Variants in NPAS2 observed in about 807,000 individuals in gnomAD.
The protein encoded by NPAS2 is neuronal PAS domain protein 2.
In NPAS2, 23 loss-of-function variants were observed where a neutral mutation model predicts 107.5. The ratio of observed to expected loss-of-function variants is 0.21; its 90% confidence interval spans 0.15 to 0.30. The LOEUF (loss-of-function observed/expected upper bound fraction) is 0.30. Among genes scored for constraint, NPAS2 ranks in the 10% least tolerant of loss-of-function variants. NPAS2 has a pLI of 1.00. For missense variants in NPAS2, 756 were observed against 1,043.3 expected (o/e 0.72, Z 3.79); for synonymous variants, 403 against 417.5 (o/e 0.97, Z 0.42).
intron 2 of NPAS2, among the ~76,000 whole-genome samples, chr2:100,918,449 A>G (rs1683022078): frequency 6.6e-6 from 1 of 152,214 alleles, no homozygotes; most frequent in African/African-American, 2.4e-5. Context: ...TACTATTAAG[A>G]GATTGAAAAG....
chr2:100,882,322 A>C (rs1458798924), intron 1 of NPAS2, among the ~76,000 whole-genome samples: 1 of 152,152 alleles, frequency 6.6e-6, no homozygotes, highest in African/African-American at 2.4e-5. Context: ...AAACAAAAAA[A>C]CAAACAGCCG....
rs376842348 is a variant in NPAS2 at position 100,873,275 on chromosome 2, CATATATATATATAT to C, written c.-22-31438_-22-31425del. On this transcript the variant is annotated intron_variant, in intron 1 of 20. Coordinates refer to ENST00000335681, the MANE Select transcript of NPAS2 (RefSeq NM_002518.4). ...TCAAAAAAAAAAAAAAAAAAAAATA[CATATATATATATAT>C]ATATATATATATATATATACACACA... is the stretch of plus-strand genomic sequence containing the variant. Among the ~76,000 whole-genome samples, 38 of 77,192 alleles carry C rather than the reference CATATATATATATAT, an allele frequency of 4.9e-4. No homozygotes were observed. In the South Asian group the frequency reaches 5.4e-3, roughly 11 times the overall value. 50.6% of individuals were successfully genotyped at this position (77,192 alleles called of 152,430 possible). A position where few individuals can be genotyped will look rare whatever the true frequency, so the allele number is the denominator to read the frequency against.
At chr2:100,954,343 C>T (rs1243858134) in intron 7 of NPAS2, among the ~76,000 whole-genome samples, 2 of 152,098 alleles carry the variant, frequency 1.3e-5, no homozygotes, top group Admixed American at 6.6e-5. Flanking sequence ...CAGCAAGGCC[C>T]CAGATGTCAA....
At chr2:100,957,743 A>G (rs1176034117) in intron 7 of NPAS2, among the ~76,000 whole-genome samples, 4 of 152,116 alleles carry the variant, frequency 2.6e-5, no homozygotes, top group African/African-American at 4.8e-5. Context: ...TGGCTAACAC[A>G]GTGAAACCCC....
At chr2:100,853,830 C>T (rs1254438711) in intron 1 of NPAS2, among the ~76,000 whole-genome samples, 1 of 152,058 alleles carries the variant, frequency 6.6e-6, no homozygotes. Flanking sequence ...GATCTGAAAA[C>T]CAAGTGGTGA....
intron 1 of NPAS2, among the ~76,000 whole-genome samples, chr2:100,898,079 G>C (rs1311986322): frequency 6.6e-6 from 1 of 152,016 alleles, no homozygotes; most frequent in African/African-American, 2.4e-5. Flanking sequence ...ATCGCATCAA[G>C]CTATCACTTT....
intron 8 of NPAS2, 31 bp downstream of exon 8, chr2:100,964,207 G>A: frequency 1.5e-6 from 2 of 1,344,800 alleles, no homozygotes; most frequent in Non-Finnish European, 2.1e-6. Flanking sequence ...TCATTGTGCG[G>A]AGCTGTTATG....
intron 1 of NPAS2, among the ~76,000 whole-genome samples, chr2:100,885,420 G>C (rs1393288031): frequency 6.6e-6 from 1 of 152,096 alleles, no homozygotes; most frequent in Non-Finnish European, 1.5e-5. Context: ...TGAAATTTCT[G>C]TTTAAATTTA....
intron 2 of NPAS2, among the ~76,000 whole-genome samples, chr2:100,905,359 G>A (rs1682079957): frequency 1.3e-5 from 2 of 151,922 alleles, no homozygotes; most frequent in South Asian, 4.2e-4. Context: ...CAGCTGGCAT[G>A]TGAGAGCCCT....
chr2:100,887,309 C>T (rs1185549690), intron 1 of NPAS2, among the ~76,000 whole-genome samples: 1 of 152,230 alleles, frequency 6.6e-6, no homozygotes, highest in Non-Finnish European at 1.5e-5. Flanking sequence ...CGGACAGCTA[C>T]AGCCCAGACT....
intron 7 of NPAS2, among the ~76,000 whole-genome samples, chr2:100,961,595 T>TA (rs959691418): frequency 2.3e-4 from 35 of 152,280 alleles, no homozygotes; most frequent in African/African-American, 8.4e-4. Context: ...TTAGATGCTA[T>TA]AAAAGGGCAG....
chr2:100,922,069 A>T (rs1683259449), intron 2 of NPAS2, among the ~76,000 whole-genome samples: 1 of 152,200 alleles, frequency 6.6e-6, no homozygotes, highest in South Asian at 2.1e-4. Flanking sequence ...GGTCTGTTAA[A>T]TTCTAGACCA....
chr2:100,978,526 AAAAGAAAG>A lies in NPAS2; in HGVS notation c.1482+747_1482+754del, dbSNP rs137857480. Among the ~76,000 whole-genome samples, 184 of 151,638 alleles carry A rather than the reference AAAAGAAAG, an allele frequency of 1.2e-3. 1 individual carries two copies. The highest frequency in any genetic ancestry group is 3.4e-3 in the Middle Eastern group (1 of 294). On this transcript the variant is annotated intron_variant, in intron 15 of 20. Transcript: ENST00000335681. ...TATAAATATCACATTTGTTTAAAAAAAAAGAAAGAAAGAAAGAAAGAAAGAAAAGAAAA... is the reference window on the plus strand; with the variant it reads ...TATAAATATCACATTTGTTTAAAAAAAAAGAAAGAAAGAAAGAAAAGAAAA...
At chr2:100,963,649 C>T (rs924227147) in intron 7 of NPAS2, among the ~76,000 whole-genome samples, 1 of 152,206 alleles carries the variant, frequency 6.6e-6, no homozygotes, top group African/African-American at 2.4e-5. Flanking sequence ...CTTCTGGCCT[C>T]AAGTGATCTT....
chr2:100,929,051 G>A (rs1002902367), intron 3 of NPAS2, among the ~76,000 whole-genome samples: 7 of 152,130 alleles, frequency 4.6e-5, no homozygotes, highest in Admixed American at 2.0e-4. Context: ...TTGCAGACAC[G>A]TGCCACCACA....
intron 2 of NPAS2, among the ~76,000 whole-genome samples, chr2:100,914,973 C>T (rs76570712): frequency 0.027 from 4,071 of 152,282 alleles, 102 homozygotes; most frequent in Non-Finnish European, 0.041. Flanking sequence ...CAGCCCCACA[C>T]CCAGAAGTGG....
At chr2:100,959,908 C>A (rs996366726) in intron 7 of NPAS2, among the ~76,000 whole-genome samples, 3 of 152,206 alleles carry the variant, frequency 2.0e-5, no homozygotes, top group African/African-American at 4.8e-5. Flanking sequence ...TTCTCCAGCT[C>A]TTTGTATTCT....
At chr2:100,986,192 G>A (rs1379398327) in intron 16 of NPAS2, 1 of 152,174 alleles carries the variant, frequency 6.6e-6, no homozygotes, top group African/African-American at 2.4e-5. Flanking sequence ...TCTGTGGTGG[G>A]TGGGGCATGA....
chr2:100,890,620 C>A (rs1159185828), intron 1 of NPAS2, among the ~76,000 whole-genome samples: 2 of 152,106 alleles, frequency 1.3e-5, no homozygotes, highest in Admixed American at 1.3e-4. Flanking sequence ...TTTGAACAAA[C>A]CATTCCTTCT....
Sources: gnomAD v4.1 joint callset for allele counts (sites outside exome capture counted in the v4.1 genomes callset) on GRCh38, gnomAD v4.1.1 for gene constraint, MANE v1.5 for transcripts, NCBI Gene and HGNC (gene_info 2026-07-23, HGNC 2026-07-21) for gene names.